Variants in MYO18A observed in about 807,000 individuals in gnomAD.
The protein encoded by MYO18A is myosin XVIIIA.
MYO18A carries 78 observed loss-of-function variants against 235.8 expected under a neutral mutation model. The observed-to-expected ratio is 0.33, with a 90% CI of 0.28 to 0.40. MYO18A has a LOEUF of 0.40. Among genes scored for constraint, MYO18A ranks in the 10% least tolerant of loss-of-function variants. The pLI is 1.00. For missense variants in MYO18A, 2,215 were observed against 2,699.3 expected (o/e 0.82, Z 3.98); for synonymous variants, 977 against 1,077.8 (o/e 0.91, Z 1.83).
At chr17:29,179,640 G>A (rs2068605862) in intron 1 of MYO18A, among the ~76,000 whole-genome samples, 1 of 152,170 alleles carries the variant, frequency 6.6e-6, no homozygotes, top group Non-Finnish European at 1.5e-5. Flanking sequence ...GAAAGGTGAG[G>A]TGAGCATTCA....
intron 21 of MYO18A, among the ~76,000 whole-genome samples, chr17:29,100,435 G>C (rs1307033303): frequency 6.6e-6 from 1 of 152,232 alleles, no homozygotes; most frequent in African/African-American, 2.4e-5. Flanking sequence ...AGAAGCCAGT[G>C]AGGTGGGCGG....
At chr17:29,151,307 C>T (rs11871481) in intron 2 of MYO18A, among the ~76,000 whole-genome samples, 3,449 of 152,280 alleles carry the variant, frequency 0.023, 50 homozygotes, top group Non-Finnish European at 0.033. Flanking sequence ...ATTTAAGGTT[C>T]AGTTCCTACT....
At position 29,111,432 on chromosome 17, in the gene MYO18A, G is replaced by A. The variant is rs1448144462; in HGVS notation, c.2892C>T (p.Asp964=). 6.2e-7 allele frequency: 1 copy of A among 1,612,228 alleles called. No homozygotes were observed. The change falls in exon 17 of 42, where the codon GAC becomes GAT. Residue 964 remains aspartate (D), a synonymous_variant. Transcript: ENST00000527372. This position sits in a 1 kb window ranked among gnomAD's most constrained non-coding sequence, Gnocchi z 5.1. ...ATQNAPRLLQ[D]SQKKIISNLF... is the part of the protein sequence containing the mutation. The stretch of plus-strand genomic sequence containing the variant: ...GGGAGTGGTGGTCTTACTTCTGGGA[G>A]TCCTGCAGGAGCCGGGGGGCATTCT...
rs371232156 is a variant in MYO18A at position 29,085,819 on chromosome 17, G to A, written c.5853-171C>T. Among the ~76,000 whole-genome samples the A allele has an allele frequency of 2.1e-4, 32 of 152,338 alleles. No individual in the cohort carries two copies. In the South Asian group the frequency reaches 6.4e-3, roughly 31 times the overall value. ...CGTGATGGCACTGTCCTCAAAATCT[G>A]ATGCGGGCTGCCCCTGGCACCTCTC... On this transcript the variant is annotated intron_variant, in intron 39 of 41. Transcript: ENST00000527372.
chr17:29,094,537 T>A, intron 30 of MYO18A, 113 bp downstream of exon 30: 1 of 1,066,100 alleles, frequency 9.4e-7, no homozygotes, highest in Non-Finnish European at 1.4e-6. Context: ...GGTGAGTGAG[T>A]GAATACGCGA....
chr17:29,170,886 A>C (rs943432409), intron 1 of MYO18A, among the ~76,000 whole-genome samples: 3 of 152,326 alleles, frequency 2.0e-5, no homozygotes, highest in African/African-American at 7.2e-5. Flanking sequence ...ACTCAGCAAG[A>C]AAAAAGAAAC....
chr17:29,169,387 C>G (rs1349367650), intron 1 of MYO18A, among the ~76,000 whole-genome samples: 1 of 152,086 alleles, frequency 6.6e-6, no homozygotes, highest in African/African-American at 2.4e-5. Flanking sequence ...TGCACAGTAC[C>G]TGGGAGTTAG....
rs763465192 is a variant in MYO18A at position 29,166,382 on chromosome 17, G to T, written c.559C>A (p.Pro187Thr). 1 of 1,613,606 alleles carries T rather than the reference G, an allele frequency of 6.2e-7. No homozygotes were observed. The highest frequency in any genetic ancestry group is 1.3e-5 in the African/African-American group (1 of 75,054). Residue 187 changes from proline (P) to threonine (T), a missense_variant, in exon 2 of 42, where the codon CCA becomes ACA. Physicochemically the swap from Pro to Thr is conservative, Grantham distance 38. Transcript: ENST00000527372. ...VQHPGPGIPR[P>T]GHRSRAPELV... is the part of the protein sequence containing the mutation. ...TCAGGGGCTCGGGATCGGTGCCCTG[G>T]TCGAGGGATGCCTGGGCCAGGATGC...
At chr17:29,100,894 C>G (rs1047634621) in intron 21 of MYO18A, among the ~76,000 whole-genome samples, 16 of 152,236 alleles carry the variant, frequency 1.1e-4, no homozygotes, top group African/African-American at 3.1e-4. Context: ...TCCCCTGAGG[C>G]TGGCCTTGGA....
chr17:29,151,443 G>A (rs2067962081), intron 2 of MYO18A, among the ~76,000 whole-genome samples: 1 of 151,976 alleles, frequency 6.6e-6, no homozygotes, highest in Non-Finnish European at 1.5e-5. Context: ...TGATGCCCCC[G>A]CCTACCTGCT....
chr17:29,122,551 A>G (rs1162857141), intron 2 of MYO18A, among the ~76,000 whole-genome samples: 1 of 152,196 alleles, frequency 6.6e-6, no homozygotes, highest in Non-Finnish European at 1.5e-5. Flanking sequence ...AGGAAAGAGG[A>G]GACCCCAGGA....
Position 29,111,616 on chromosome 17 carries a change from A to G in MYO18A, c.2741-33T>C. Reference sequence around the variant, plus strand: ...TGGGAGAAGCAAGATTTAGGTCGTCAGGGTACAGGCACAAAGTGACCCCCG... The same window carrying G: ...TGGGAGAAGCAAGATTTAGGTCGTCGGGGTACAGGCACAAAGTGACCCCCG... On this transcript the variant is annotated intron_variant, in intron 16 of 41. Transcript: ENST00000527372. The surrounding 1 kb of genome is among the most constrained non-coding windows in gnomAD (Gnocchi z 5.1). 2.5e-6 allele frequency: 4 copies of G among 1,613,518 alleles called. No homozygotes were observed. Among genetic ancestry groups the G allele is most frequent in the Non-Finnish European group, 3.4e-6 (4 of 1,179,614 alleles).
intron 23 of MYO18A, 70 bp from the exon 24 acceptor site, chr17:29,098,515 C>T (rs2066577468): frequency 9.6e-6 from 15 of 1,557,998 alleles, no homozygotes; most frequent in Non-Finnish European, 1.2e-5. Flanking sequence ...GGTCTGCACC[C>T]CTGTAGTGAA....
At chr17:29,148,015 G>A (rs2067884182) in intron 2 of MYO18A, among the ~76,000 whole-genome samples, 1 of 151,930 alleles carries the variant, frequency 6.6e-6, no homozygotes, top group Non-Finnish European at 1.5e-5. Flanking sequence ...AAATAAGCTG[G>A]ACTTGGTGAC....
At position 29,087,085 on chromosome 17, in the gene MYO18A, G is replaced by A. The variant is rs1229552665; in HGVS notation, c.5563C>T (p.Leu1855=). Residue 1855 remains leucine (L), a synonymous_variant, in exon 38 of 42, where the codon CTG becomes TTG. Coordinates refer to ENST00000527372, the MANE Select transcript of MYO18A (RefSeq NM_078471.4). ...ATGCGCTGATCCCGCTCCTCAGTCA[G>A]CTTCTCCATGTTTTCCTTGAGACGG... ...ASRLKENMEK[L]TEERDQRIAA... is the part of the protein sequence containing the mutation. The A allele has an allele frequency of 1.2e-6, 2 of 1,613,900 alleles. No homozygotes were observed.
At chr17:29,099,460 G>A (rs1430349700) in intron 22 of MYO18A, among the ~76,000 whole-genome samples, 174 bp downstream of exon 22, 3 of 152,106 alleles carry the variant, frequency 2.0e-5, no homozygotes, top group East Asian at 3.9e-4. Flanking sequence ...AGGCCCCGTC[G>A]CTGGGCACAC....
At chr17:29,095,992 A>G (rs1171437602) in intron 28 of MYO18A, among the ~76,000 whole-genome samples, 1 of 152,112 alleles carries the variant, frequency 6.6e-6, no homozygotes, top group Non-Finnish European at 1.5e-5. Context: ...GTCAGGTGGG[A>G]GGAATAGAAA....
At chr17:29,130,551 C>A (rs1273591820) in intron 2 of MYO18A, among the ~76,000 whole-genome samples, 1 of 150,696 alleles carries the variant, frequency 6.6e-6, no homozygotes, top group African/African-American at 2.4e-5. Context: ...CACAGGCTGG[C>A]TTTCCAGGAT....
chr17:29,093,506 C>T (rs2066450556), intron 31 of MYO18A, 79 bp from the exon 32 acceptor site: 1 of 1,100,870 alleles, frequency 9.1e-7, no homozygotes. Flanking sequence ...TCTGGGTTCC[C>T]CACTCCAGGA....
Sources: gnomAD v4.1 joint callset for allele counts (sites outside exome capture counted in the v4.1 genomes callset) on GRCh38, gnomAD v4.1.1 for gene constraint, Gnocchi (gnomAD v3.1) non-coding constraint, MANE v1.5 for transcripts, NCBI Gene and HGNC (gene_info 2026-07-23, HGNC 2026-07-21) for gene names.